Variants in MTUS1 observed in about 807,000 individuals in gnomAD.
MTUS1 encodes microtubule associated scaffold protein 1.
In MTUS1, 109 loss-of-function variants were observed where a neutral mutation model predicts 120.8. That is an observed-to-expected ratio of 0.90 (90% CI 0.77 to 1.06). The LOEUF is 1.06. Among genes scored for constraint, MTUS1 ranks in the 50% least tolerant of loss-of-function variants. The pLI is 0.00. For missense variants in MTUS1, 2,210 were observed against 1,486.3 expected, an observed-to-expected ratio of 1.49 and a Z score of -8.01; for synonymous variants, 737 against 550.5, an observed-to-expected ratio of 1.34 and a Z score of -4.74.
At chr8:17,676,062 A>G in intron 7 of MTUS1, 1 of 570,268 alleles carries the variant, frequency 1.8e-6, no homozygotes, top group Admixed American at 3.2e-5. Context: ...AAAAAAAATG[A>G]AGAATTTCAA....
intron 6 of MTUS1, among the ~76,000 whole-genome samples, chr8:17,698,003 C>T (rs1479668206): frequency 6.6e-6 from 1 of 151,820 alleles, no homozygotes; most frequent in African/African-American, 2.4e-5. Context: ...TTAAAGACTT[C>T]AGGCAATAAA....
chr8:17,755,675 T>C lies in MTUS1; in HGVS notation c.133A>G (p.Asn45Asp), dbSNP rs747794649. The C allele has an allele frequency of 2.5e-6, 4 of 1,614,228 alleles. No homozygotes were observed. The highest frequency in any genetic ancestry group is 2.2e-5 in the South Asian group (2 of 91,084). Residue 45 changes from asparagine to aspartate, a missense_variant, in exon 2 of 15, where the codon AAC becomes GAC. Physicochemically the swap from Asn to Asp is conservative, Grantham distance 23. Coordinates refer to ENST00000693296, the MANE Select transcript of MTUS1 (RefSeq NM_001363059.2). ...TCATCTGGGTTGGCAGAATTCCAGT[T>C]CACACTGCTGGCTGAAGAGTTTTGT... ...PTQNSSASSV[N>D]WNSANPDDMV...
At chr8:17,652,018 C>T (rs1309325970) in intron 12 of MTUS1, among the ~76,000 whole-genome samples, 1 of 152,086 alleles carries the variant, frequency 6.6e-6, no homozygotes, top group African/African-American at 2.4e-5. Flanking sequence ...CTCCCAATGA[C>T]ATTATTTGCA....
At chr8:17,714,069 T>C (rs73204301) in intron 5 of MTUS1, among the ~76,000 whole-genome samples, 8,732 of 152,258 alleles carry the variant, frequency 0.057, 287 homozygotes, top group African/African-American at 0.093. Context: ...AACTTCATTA[T>C]TGCTGTGTGG....
intron 2 of MTUS1, among the ~76,000 whole-genome samples, chr8:17,750,430 C>A (rs1355083336): frequency 2.0e-5 from 3 of 152,222 alleles, no homozygotes; most frequent in Non-Finnish European, 4.4e-5. Context: ...AGGCAAACTG[C>A]TCATCAATTT....
rs1475073959 is a variant in MTUS1, at chr8:17,743,746, G to A, written c.2145C>T (p.Asp715=). The change falls in exon 3 of 15, where the codon GAC becomes GAT. Residue 715 remains aspartate, a synonymous_variant. Coordinates refer to ENST00000693296, the MANE Select transcript of MTUS1 (RefSeq NM_001363059.2). The part of the protein sequence containing the change: ...TTSGRNISKP[D]SCGLRQIAAP... The stretch of plus-strand genomic sequence containing the variant: ...CAGCTATTTGCCTCAAACCGCAGGA[G>A]TCAGGCTTGGATATATTCCTACCTG... 1 of 1,614,168 alleles carries A rather than the reference G, an allele frequency of 6.2e-7. No individual in the cohort carries two copies. Among genetic ancestry groups the A allele is most frequent in the Non-Finnish European group, 8.5e-7 (1 of 1,180,038 alleles).
intron 6 of MTUS1, among the ~76,000 whole-genome samples, chr8:17,696,663 G>A (rs1818035629): frequency 6.6e-6 from 1 of 152,086 alleles, no homozygotes; most frequent in South Asian, 2.1e-4. Context: ...ATAATAAGCA[G>A]ATACAAACAT....
rs1822209089 is a variant in MTUS1, at chr8:17,715,804, G to A, written c.2547C>T (p.Ser849=). Residue 849 remains serine, a synonymous_variant, in exon 5 of 15, where the codon TCC becomes TCT. Transcript: ENST00000693296. ...SGSFYLKPLV[S]RAHVHLMKTP... Reference sequence around the variant, plus strand: ...TTTTCATCAAGTGAACATGAGCCCTGGATACCAAAGGCTTCAAATAAAAGG... The same window carrying A: ...TTTTCATCAAGTGAACATGAGCCCTAGATACCAAAGGCTTCAAATAAAAGG... 1 of 1,613,864 alleles carries A rather than the reference G, an allele frequency of 6.2e-7. No homozygotes were observed. Among genetic ancestry groups the A allele is most frequent in the East Asian group, 2.2e-5 (1 of 44,850 alleles).
At chr8:17,713,802 C>G (rs1338968400) in intron 5 of MTUS1, among the ~76,000 whole-genome samples, 1 of 152,132 alleles carries the variant, frequency 6.6e-6, no homozygotes, top group Non-Finnish European at 1.5e-5. Context: ...ATAGTTGTTT[C>G]TAGGACATAA....
rs765977372 is a variant in MTUS1, at chr8:17,646,028, C to T, written c.3711G>A (p.Gly1237=). 7 of 1,613,568 alleles carry T rather than the reference C, an allele frequency of 4.3e-6. No individual in the cohort carries two copies. The South Asian group carries it at 5.5e-5, about 13-fold the overall frequency. Residue 1237 remains glycine, a synonymous_variant, in exon 15 of 15, where the codon GGG becomes GGA. Coordinates refer to ENST00000693296, the MANE Select transcript of MTUS1 (RefSeq NM_001363059.2). ...GGGATCTCTTGGGGCTACACAGGTC[C>T]CCATTGTGCAGTTTCCACAGAAGCT... The part of the protein sequence containing the change: ...NEELLWKLHN[G]DLCSPKRSPT...
intron 6 of MTUS1, among the ~76,000 whole-genome samples, 166 bp from the exon 7 acceptor site, chr8:17,684,708 G>A (rs1432614856): frequency 6.6e-6 from 1 of 152,178 alleles, no homozygotes; most frequent in African/African-American, 2.4e-5. Context: ...GATCTAGACG[G>A]TTGGAATTCA....
At chr8:17,649,983 T>C (rs1401626332) in intron 12 of MTUS1, 21 bp from the exon 13 acceptor site, 2 of 1,191,074 alleles carry the variant, frequency 1.7e-6, no homozygotes, top group East Asian at 4.7e-5. Context: ...CACAGCAAGA[T>C]ACTGCTCTTA....
intron 8 of MTUS1, among the ~76,000 whole-genome samples, chr8:17,671,760 G>T (rs1812071193): frequency 6.6e-6 from 1 of 152,154 alleles, no homozygotes; most frequent in South Asian, 2.1e-4. Flanking sequence ...TTGAGAAGGT[G>T]AAGAAAAATT....
At chr8:17,757,108 A>G (rs140605276) in intron 1 of MTUS1, among the ~76,000 whole-genome samples, 1 of 152,324 alleles carries the variant, frequency 6.6e-6, no homozygotes, top group East Asian at 1.9e-4. Flanking sequence ...GATTCTAAAT[A>G]GAAGCACTAT....
intron 1 of MTUS1, among the ~76,000 whole-genome samples, chr8:17,795,590 ATG>A (rs1165437338): frequency 6.6e-6 from 1 of 151,238 alleles, no homozygotes; most frequent in Non-Finnish European, 1.5e-5. Context: ...TGAGGGTAAA[ATG>A]TGTGTTTTTC....
chr8:17,788,631 G>A (rs999100794), intron 1 of MTUS1, among the ~76,000 whole-genome samples: 5 of 152,114 alleles, frequency 3.3e-5, no homozygotes, highest in African/African-American at 1.2e-4. Flanking sequence ...TAACTCAGCC[G>A]ACTTCTGAGA....
chr8:17,722,137 T>C (rs955529587), intron 4 of MTUS1: 18 of 1,214,864 alleles, frequency 1.5e-5, no homozygotes, highest in Non-Finnish European at 1.8e-5. Context: ...GCTCTGTGGG[T>C]GTATGGTAAA....
intron 2 of MTUS1, among the ~76,000 whole-genome samples, chr8:17,751,838 A>G (rs1189399150): frequency 6.7e-6 from 1 of 148,216 alleles, no homozygotes; most frequent in Non-Finnish European, 1.5e-5. Context: ...AGCCTGGCGA[A>G]AGAGCAAGAA....
At chr8:17,753,678 T>C in intron 2 of MTUS1, 39 bp downstream of exon 2, 2 of 1,381,400 alleles carry the variant, frequency 1.4e-6, no homozygotes, top group Non-Finnish European at 2.0e-6. Flanking sequence ...TTCTCCACAG[T>C]TCTCTGAAGC....
Sources: gnomAD v4.1 joint callset for allele counts (sites outside exome capture counted in the v4.1 genomes callset) on GRCh38, gnomAD v4.1.1 for gene constraint, MANE v1.5 for transcripts, NCBI Gene and HGNC (gene_info 2026-07-23, HGNC 2026-07-21) for gene names.